ALDOC: variants seen among roughly 807,000 people sequenced by gnomAD.
ALDOC encodes the protein aldolase, fructose-bisphosphate C.
ALDOC carries 23 observed loss-of-function variants against 39.5 expected under a neutral mutation model. The ratio of observed to expected loss-of-function variants is 0.58; its 90% CI spans 0.42 to 0.82. ALDOC has a LOEUF of 0.82. Among genes scored for constraint, ALDOC ranks in the 40% least tolerant of loss-of-function variants. The pLI is 0.00. For synonymous variants in ALDOC, 160 were observed against 182.6 expected, an observed-to-expected ratio of 0.88 and a Z score of 1.00; for missense variants, 356 against 479.1, an observed-to-expected ratio of 0.74 and a Z score of 2.40.
chr17:28,576,695 G>A (rs898002065), intron 1 of ALDOC, 106 bp downstream of exon 1: 5 of 712,670 alleles, frequency 7.0e-6, no homozygotes, highest in Non-Finnish European at 6.9e-6. Context: ...GGAAAGGGTC[G>A]AAAGGGCACA....
In ALDOC at chr17:28,576,871, G is replaced by C. The variant is rs2070499272; in HGVS notation, c.-83C>G. 1.0e-6 allele frequency: 1 copy of C among 985,402 alleles called. No individual in the cohort carries two copies. Among genetic ancestry groups the C allele is most frequent in the Admixed American group, 6.1e-5 (1 of 16,274 alleles). 61.0% of individuals were successfully genotyped at this position (985,402 alleles called of 1,614,324 possible). ...TTCTGATCCGCAAACAGATGAGGCT[G>C]CAGCCCTGGCTCCCTCTGGTAAATG... On this transcript the variant is annotated 5_prime_UTR_variant, in exon 1 of 9. Coordinates refer to ENST00000226253, the MANE Select transcript of ALDOC (RefSeq NM_005165.3).
rs916038174 is a variant in ALDOC, at chr17:28,574,943, A to G, written c.379+9T>C. ...ACCTCTTTGGTCCTCAAGCCCACCCATCCTATACCTTGAGTGGTGGTTTCT... is the reference window on the plus strand; with the variant it reads ...ACCTCTTTGGTCCTCAAGCCCACCCGTCCTATACCTTGAGTGGTGGTTTCT... On this transcript the variant is annotated intron_variant, in intron 4 of 8. Coordinates refer to ENST00000226253, the MANE Select transcript of ALDOC (RefSeq NM_005165.3). 6.2e-7 allele frequency: 1 copy of G among 1,613,950 alleles called. No individual in the cohort carries two copies. The highest frequency in any genetic ancestry group is 1.3e-5 in the African/African-American group (1 of 74,874).
At chr17:28,574,426 TTC>T in intron 6 of ALDOC, 66 bp downstream of exon 6, 1 of 1,546,110 alleles carries the variant, frequency 6.5e-7, no homozygotes, top group East Asian at 2.2e-5. Context: ...AAGCTGGGGG[TTC>T]TGGGGAACAG....
chr17:28,574,639 C>T (rs1814585154), intron 5 of ALDOC, 57 bp downstream of exon 5: 6 of 1,613,560 alleles, frequency 3.7e-6, no homozygotes, highest in African/African-American at 1.3e-5. Context: ...AGCCTTGTGA[C>T]TCTCTCCCCA....
Position 28,575,395 on chromosome 17 carries a change from C to G in ALDOC, c.112+26G>C. The G allele has an allele frequency of 1.9e-6, 3 of 1,614,226 alleles. No homozygotes were observed. Among genetic ancestry groups the G allele is most frequent in the Non-Finnish European group, 2.5e-6 (3 of 1,180,044 alleles). On this transcript the variant is annotated intron_variant, in intron 2 of 8. Coordinates refer to ENST00000226253, the MANE Select transcript of ALDOC (RefSeq NM_005165.3). This position sits in a 1 kb window ranked among gnomAD's most constrained non-coding sequence, Gnocchi z 4.3. ...CCAGGGTCCCCTAGCCACCTGTACCCTACCTGGCTACAGATGTCCACTTAC... is the reference window on the plus strand; with the variant it reads ...CCAGGGTCCCCTAGCCACCTGTACCGTACCTGGCTACAGATGTCCACTTAC...
At position 28,573,882 on chromosome 17, in the gene ALDOC, G is replaced by A; in HGVS notation, c.852C>T (p.Leu284=). 1 of 1,614,248 alleles carries A rather than the reference G, an allele frequency of 6.2e-7. No homozygotes were observed. The highest frequency in any genetic ancestry group is 1.3e-5 in the African/African-American group (1 of 75,062). ...GQSEEEASFN[L]NAINRCPLPR... ...GAAGGGGGCAGCGGTTGATGGCATTGAGGTTGAATGATGCCTCTTCTTCGC... is the reference window on the plus strand; with the variant it reads ...GAAGGGGGCAGCGGTTGATGGCATTAAGGTTGAATGATGCCTCTTCTTCGC... The change falls in exon 8 of 9, where the codon CTC becomes CTT. Residue 284 remains leucine (L), a synonymous_variant. Transcript: ENST00000226253. This position sits in a 1 kb window ranked among gnomAD's most constrained non-coding sequence, Gnocchi z 4.3.
Position 28,574,726 on chromosome 17 carries a change from C to G in ALDOC, c.510G>C (p.Val170=). The change falls in exon 5 of 9, where the codon GTG becomes GTC. Residue 170 remains valine, a synonymous_variant. Coordinates refer to ENST00000226253, the MANE Select transcript of ALDOC (RefSeq NM_005165.3). ...GGCAGATACTGGCATAACGGGCCAG[C>G]ACGTTGGCGTTCTCCAGAATGGCAA... is the stretch of plus-strand genomic sequence containing the variant. ...SALAILENAN[V]LARYASICQQ... 6.2e-7 allele frequency: 1 copy of G among 1,614,214 alleles called. No homozygotes were observed. Among genetic ancestry groups the G allele is most frequent in the Non-Finnish European group, 8.5e-7 (1 of 1,180,032 alleles).
rs1289907302 is a variant in ALDOC, at chr17:28,575,288, C to G, written c.159G>C (p.Glu53Asp). The G allele has an allele frequency of 1.2e-6, 2 of 1,614,220 alleles. No homozygotes were observed. Among genetic ancestry groups the G allele is most frequent in the Non-Finnish European group, 1.7e-6 (2 of 1,180,032 alleles). ...CCTGGCGGTACAGCCGGCGGTTCTCCTCTGTGTTTTCCACCCCAATTTGGC... is the reference window on the plus strand; with the variant it reads ...CCTGGCGGTACAGCCGGCGGTTCTCGTCTGTGTTTTCCACCCCAATTTGGC... ...RLSQIGVENT[E>D]ENRRLYRQVL... is the part of the protein sequence containing the mutation. The change falls in exon 3 of 9, where the codon GAG (glutamate) becomes GAC (aspartate). Residue 53 changes from glutamate (E) to aspartate (D), a missense_variant. Coordinates refer to ENST00000226253, the MANE Select transcript of ALDOC (RefSeq NM_005165.3). This position sits in a 1 kb window ranked among gnomAD's most constrained non-coding sequence, Gnocchi z 4.3.
Position 28,575,483 on chromosome 17 carries a change from G to A in ALDOC, c.50C>T (p.Ser17Phe). ...GGCTACAATCCGCAGGGCAATGTCA[G>A]ACAACTCCTTCTTCTGCTCAGCAGA... ...ALSAEQKKEL[S>F]DIALRIVAPG... Residue 17 changes from serine (S) to phenylalanine (F), a missense_variant, in exon 2 of 9, where the codon TCT (serine) becomes TTT (phenylalanine). By Grantham distance (155) the Ser-to-Phe change is radical. Coordinates refer to ENST00000226253, the MANE Select transcript of ALDOC (RefSeq NM_005165.3). The surrounding 1 kb of genome is among the most constrained non-coding windows in gnomAD (Gnocchi z 4.3). 1.2e-6 allele frequency: 2 copies of A among 1,614,254 alleles called. No homozygotes were observed. The highest frequency in any genetic ancestry group is 1.7e-6 in the Non-Finnish European group (2 of 1,180,052).
rs140292923 is a variant in ALDOC, at chr17:28,573,755, C to T, written c.979G>A (p.Glu327Lys). ...CCAACCTCAGCCCGCTTGATGAACT[C>T]CTCAGTGGCAGCCCCAGCATTGTCC... ...QRDNAGAATE[E>K]FIKRAEVNGL... Residue 327 changes from glutamate to lysine, a missense_variant, in exon 8 of 9, where the codon GAG (glutamate) becomes AAG (lysine). Glu to Lys is a moderately conservative substitution (Grantham distance 56). Transcript: ENST00000226253. This position sits in a 1 kb window ranked among gnomAD's most constrained non-coding sequence, Gnocchi z 4.3. 6.8e-6 allele frequency: 11 copies of T among 1,614,234 alleles called. No homozygotes were observed. In the East Asian group the frequency reaches 2.0e-4, roughly 29 times the overall value.
Position 28,573,617 on chromosome 17 carries a change from T to C in ALDOC, c.1004A>G (p.Asn335Ser). 1 of 1,614,160 alleles carries C rather than the reference T, an allele frequency of 6.2e-7. No homozygotes were observed. Among genetic ancestry groups the C allele is most frequent in the Non-Finnish European group, 8.5e-7 (1 of 1,179,972 alleles). Residue 335 changes from asparagine (N) to serine (S), a missense_variant, in exon 9 of 9, where the codon AAT becomes AGT. Transcript: ENST00000226253. The surrounding 1 kb of genome is among the most constrained non-coding windows in gnomAD (Gnocchi z 4.3). Reference sequence around the variant, plus strand: ...ATACTTGCCCTGGGCTGCAAGCCCATTCACCTGCAAAAGGGAGCGTGGAGT... The same window carrying C: ...ATACTTGCCCTGGGCTGCAAGCCCACTCACCTGCAAAAGGGAGCGTGGAGT... ...TEEFIKRAEV[N>S]GLAAQGKYEG...
chr17:28,575,610 C>T lies in ALDOC; in HGVS notation c.-12-66G>A. The T allele has an allele frequency of 6.5e-7, 1 of 1,541,960 alleles. No homozygotes were observed. Among genetic ancestry groups the T allele is most frequent in the Non-Finnish European group, 8.7e-7 (1 of 1,145,302 alleles). Reference sequence around the variant, plus strand: ...TGCTGCCTCTCCTGGCCAGATGGGCCAAATGGCCTCCCCATCAAGCAAGGG... The same window carrying T: ...TGCTGCCTCTCCTGGCCAGATGGGCTAAATGGCCTCCCCATCAAGCAAGGG... On this transcript the variant is annotated intron_variant, in intron 1 of 8. Coordinates refer to ENST00000226253, the MANE Select transcript of ALDOC (RefSeq NM_005165.3). The surrounding 1 kb of genome is among the most constrained non-coding windows in gnomAD (Gnocchi z 4.3).
Position 28,575,367 on chromosome 17 carries a change from TC to T in ALDOC, c.113-34del. On this transcript the variant is annotated intron_variant, in intron 2 of 8. Transcript: ENST00000226253. This position sits in a 1 kb window ranked among gnomAD's most constrained non-coding sequence, Gnocchi z 4.3. ...CAAACAAAGAGAGGCAGTGAGAACATCCCCAGGGTCCCCTAGCCACCTGTAC... is the reference window on the plus strand; with the variant it reads ...CAAACAAAGAGAGGCAGTGAGAACATCCCAGGGTCCCCTAGCCACCTGTAC... The T allele has an allele frequency of 4.3e-6, 7 of 1,614,096 alleles. No homozygotes were observed. The South Asian group carries it at 5.5e-5, about 13-fold the overall frequency.
chr17:28,575,781 A>G lies in ALDOC; in HGVS notation c.-12-237T>C. The G allele has an allele frequency of 4.2e-6, 2 of 471,332 alleles. No homozygotes were observed. Among genetic ancestry groups the G allele is most frequent in the Non-Finnish European group, 7.2e-6 (2 of 278,148 alleles). The allele number at this position is 471,332 out of a possible 1,614,324, so 29.2% of individuals were successfully genotyped here. A position where few individuals can be genotyped will look rare whatever the true frequency, so the allele number is the denominator to read the frequency against. On this transcript the variant is annotated intron_variant, in intron 1 of 8. Coordinates refer to ENST00000226253, the MANE Select transcript of ALDOC (RefSeq NM_005165.3). This position sits in a 1 kb window ranked among gnomAD's most constrained non-coding sequence, Gnocchi z 4.3. ...CCTTCCCAGCCCTGGGGAAAGATGCAGGGTGGGGGTGGGGAGGTGAGCAGC... is the reference window on the plus strand; with the variant it reads ...CCTTCCCAGCCCTGGGGAAAGATGCGGGGTGGGGGTGGGGAGGTGAGCAGC...
chr17:28,575,397 A>G lies in ALDOC; in HGVS notation c.112+24T>C, dbSNP rs773220181. The G allele has an allele frequency of 4.3e-6, 7 of 1,614,200 alleles. No homozygotes were observed. The highest frequency in any genetic ancestry group is 1.3e-5 in the African/African-American group (1 of 75,054). ...AGGGTCCCCTAGCCACCTGTACCCTACCTGGCTACAGATGTCCACTTACCT... is the reference window on the plus strand; with the variant it reads ...AGGGTCCCCTAGCCACCTGTACCCTGCCTGGCTACAGATGTCCACTTACCT... On this transcript the variant is annotated intron_variant, in intron 2 of 8. Transcript: ENST00000226253. The surrounding 1 kb of genome is among the most constrained non-coding windows in gnomAD (Gnocchi z 4.3).
chr17:28,573,930 C>G lies in ALDOC; in HGVS notation c.804G>C (p.Val268=). Residue 268 remains valine (V), a synonymous_variant, in exon 8 of 9, where the codon GTG becomes GTC. Coordinates refer to ENST00000226253, the MANE Select transcript of ALDOC (RefSeq NM_005165.3). This position sits in a 1 kb window ranked among gnomAD's most constrained non-coding sequence, Gnocchi z 4.3. ...CGCTCTGACCCCCAGACAGGAAGGT[C>G]ACTCCTAGTGTGGAGGAGAGAAGAC... ...RRTVPPAVPG[V]TFLSGGQSEE... The G allele has an allele frequency of 6.2e-7, 1 of 1,614,138 alleles. No individual in the cohort carries two copies. Among genetic ancestry groups the G allele is most frequent in the Non-Finnish European group, 8.5e-7 (1 of 1,180,028 alleles).
Position 28,575,445 on chromosome 17 carries a change from T to C in ALDOC, c.88A>G (p.Ile30Val), listed in dbSNP as rs1319242987. Residue 30 changes from isoleucine to valine, a missense_variant, in exon 2 of 9, where the codon ATT becomes GTT. Transcript: ENST00000226253. This position sits in a 1 kb window ranked among gnomAD's most constrained non-coding sequence, Gnocchi z 4.3. ...CCTACAGACTCATCCGCAGCCAGAA[T>C]GCCTTTGCCCGGGGCTACAATCCGC... is the stretch of plus-strand genomic sequence containing the variant. Reference protein sequence around the residue: ...ALRIVAPGKGILAADESVGSM... With the variant: ...ALRIVAPGKGVLAADESVGSM... The C allele has an allele frequency of 1.9e-6, 3 of 1,614,136 alleles. No homozygotes were observed. The highest frequency in any genetic ancestry group is 2.5e-6 in the Non-Finnish European group (3 of 1,180,054).
rs1282534497 is a variant in ALDOC at position 28,574,061 on chromosome 17, T to C, written c.799+6A>G. The C allele has an allele frequency of 7.5e-6, 12 of 1,595,096 alleles. No individual in the cohort carries two copies. In the Admixed American group the frequency reaches 1.2e-4, roughly 16 times the overall value. Reference sequence around the variant, plus strand: ...GATAGGAGCAGGTTAGGGAGCTGGGTAGTACCTGGGACAGCTGGGGGCACA... The same window carrying C: ...GATAGGAGCAGGTTAGGGAGCTGGGCAGTACCTGGGACAGCTGGGGGCACA... On this transcript the variant is annotated splice_donor_region_variant and intron_variant, in intron 7 of 8. Coordinates refer to ENST00000226253, the MANE Select transcript of ALDOC (RefSeq NM_005165.3).
At chr17:28,576,282 G>A (rs2070489192) in intron 1 of ALDOC, 1 of 152,650 alleles carries the variant, frequency 6.6e-6, no homozygotes, top group Non-Finnish European at 1.5e-5. Flanking sequence ...CACTTCACCT[G>A]TTTGGCAGGA....
Sources: allele counts gnomAD v4.1 joint callset, GRCh38; gene constraint gnomAD v4.1.1; non-coding constraint Gnocchi (gnomAD v3.1); transcripts MANE v1.5; gene names NCBI Gene and HGNC (gene_info 2026-07-23, HGNC 2026-07-21).